GPI: variants seen among roughly 807,000 people sequenced by gnomAD.
GPI encodes the protein glucose-6-phosphate isomerase, also known as D-hexose-6-phosphate anomerase.
A neutral mutation model predicts 75.8 loss-of-function variants in GPI; 56 were observed. The ratio of observed to expected loss-of-function variants is 0.74; its 90% CI spans 0.60 to 0.92. The LOEUF (loss-of-function observed/expected upper bound fraction) is 0.92. Among genes scored for constraint, GPI ranks in the 40% least tolerant of loss-of-function variants. The pLI, the probability that GPI is intolerant of heterozygous loss-of-function variation, is 0.00. For synonymous variants in GPI, 288 were observed against 285.4 expected (o/e 1.01, Z -0.09); for missense variants, 638 against 741.0 (o/e 0.86, Z 1.61).
chr19:34,361,146 CAGT>C (rs2074299134), upstream of GPI, among the ~76,000 whole-genome samples: 5 of 151,742 alleles, frequency 3.3e-5, no homozygotes, highest in African/African-American at 1.2e-4. Flanking sequence ...GGCTGGAGTG[CAGT>C]GGCATGATTC....
intron 3 of GPI, 54 bp downstream of exon 3, chr19:34,366,905 T>G: frequency 7.9e-7 from 1 of 1,273,356 alleles, no homozygotes; most frequent in Non-Finnish European, 1.2e-6. Context: ...TTGGGGTTTA[T>G]CTGACTGTTA....
intron 17 of GPI, 21 bp from the exon 18 acceptor site, chr19:34,399,880 C>G (rs777867098): frequency 6.2e-7 from 1 of 1,614,048 alleles, no homozygotes; most frequent in Non-Finnish European, 8.5e-7. Flanking sequence ...CCACTCTTCC[C>G]TTCCCTTCCC....
intron 12 of GPI, among the ~76,000 whole-genome samples, chr19:34,395,130 AG>A (rs770834211): frequency 1.2e-4 from 18 of 152,290 alleles, no homozygotes; most frequent in Middle Eastern, 3.4e-3. Flanking sequence ...ACTGAAGGAG[AG>A]GCCAAGGTTC....
In GPI at chr19:34,377,561, A is replaced by G. The variant is rs1474766983; in HGVS notation, c.461A>G (p.Asn154Ser). The change falls in exon 5 of 18, where the codon AAC (asparagine) becomes AGC (serine). Residue 154 changes from asparagine (N) to serine (S), a missense_variant. Asn to Ser is a conservative substitution (Grantham distance 46). Transcript: ENST00000356487. ...YTGKTITDVI[N>S]IGIGGSDLGP... ...GGCAAGACCATCACGGACGTCATCAACATTGGCATTGGCGGCTCCGACCTG... is the reference window on the plus strand; with the variant it reads ...GGCAAGACCATCACGGACGTCATCAGCATTGGCATTGGCGGCTCCGACCTG... 2.5e-6 allele frequency: 4 copies of G among 1,613,274 alleles called. No homozygotes were observed. The African/African-American group carries it at 4.0e-5, about 16-fold the overall frequency.
At chr19:34,373,065 C>T (rs562491699) in intron 4 of GPI, among the ~76,000 whole-genome samples, 30 of 151,850 alleles carry the variant, frequency 2.0e-4, no homozygotes, top group African/African-American at 6.3e-4. Flanking sequence ...AGCCACCGTG[C>T]CCAGCCTATT....
intron 1 of GPI, chr19:34,365,882 G>C (rs1432573010): frequency 2.1e-6 from 1 of 472,186 alleles, no homozygotes. Context: ...AGACACCTGT[G>C]CACGACCGGG....
At chr19:34,364,856 T>G, upstream of GPI, 1 of 895,688 alleles carries the variant, frequency 1.1e-6, no homozygotes, top group Non-Finnish European at 1.6e-6. Flanking sequence ...ATCTATAGAG[T>G]TTTGTCGAAT....
At chr19:34,394,804 C>G (rs893878514) in intron 12 of GPI, among the ~76,000 whole-genome samples, 7 of 152,016 alleles carry the variant, frequency 4.6e-5, no homozygotes, top group African/African-American at 1.7e-4. Context: ...ACCTCCGCTT[C>G]CTGAGTTCAA....
At chr19:34,376,924 AGGCTTGTAGTCCCAG>A (rs2074546383) in intron 4 of GPI, among the ~76,000 whole-genome samples, 2 of 152,078 alleles carry the variant, frequency 1.3e-5, no homozygotes, top group African/African-American at 2.4e-5. Context: ...CTGGTGGCGC[AGGCTTGTAGTCCCAG>A]CTACTCAGGA....
In GPI at chr19:34,377,524, A is replaced by G; in HGVS notation, c.424A>G (p.Lys142Glu). 1 of 1,612,388 alleles carries G rather than the reference A, an allele frequency of 6.2e-7. No homozygotes were observed. Among genetic ancestry groups the G allele is most frequent in the Non-Finnish European group, 8.5e-7 (1 of 1,179,424 alleles). ...FCQRVRSGDW[K>E]GYTGKTITDV... ...CCAGCGTGTCCGGAGCGGTGACTGG[A>G]AGGGGTACACAGGCAAGACCATCAC... The change falls in exon 5 of 18, where the codon AAG (lysine) becomes GAG (glutamate). Residue 142 changes from lysine (K) to glutamate (E), a missense_variant. Coordinates refer to ENST00000356487, the MANE Select transcript of GPI (RefSeq NM_000175.5).
intron 9 of GPI, among the ~76,000 whole-genome samples, chr19:34,384,916 G>A (rs2074710065): frequency 6.6e-6 from 1 of 151,924 alleles, no homozygotes; most frequent in Admixed American, 6.6e-5. Flanking sequence ...GGTGGTGCAT[G>A]CCTACAGTCC....
chr19:34,361,706 C>T (rs953002130), upstream of GPI, among the ~76,000 whole-genome samples: 53 of 152,038 alleles, frequency 3.5e-4, no homozygotes, highest in African/African-American at 1.1e-3. Flanking sequence ...CCAGGCTGGG[C>T]GCGGTGTTGC....
At chr19:34,368,804 A>G in intron 4 of GPI, 102 bp downstream of exon 4, 2 of 1,364,522 alleles carry the variant, frequency 1.5e-6, no homozygotes, top group Non-Finnish European at 2.1e-6. Flanking sequence ...TGTAGGCAGG[A>G]CTCAGGTTCT....
At chr19:34,398,828 C>G (rs528777942) in intron 14 of GPI, 1 of 204,602 alleles carries the variant, frequency 4.9e-6, no homozygotes, top group South Asian at 7.8e-5. Flanking sequence ...CTGCCTCAGC[C>G]TCCTGCCTGA....
intron 4 of GPI, among the ~76,000 whole-genome samples, 159 bp from the exon 5 acceptor site, chr19:34,377,326 AAAAAAAAAAAATATATAT>A (rs2074556349): frequency 1.1e-5 from 1 of 88,504 alleles, no homozygotes; most frequent in East Asian, 3.9e-4. Context: ...AAAAAAAAAA[AAAAAAAAAAAATATATAT>A]ATATATATAT....
chr19:34,366,482 G>A (rs1408633890), intron 2 of GPI, 47 bp downstream of exon 2: 1 of 1,323,968 alleles, frequency 7.6e-7, no homozygotes, highest in Admixed American at 1.7e-5. Context: ...ACAGAGTGGT[G>A]GGTGAGCTGG....
At chr19:34,385,389 G>A (rs999741325) in intron 9 of GPI, among the ~76,000 whole-genome samples, 1 of 151,972 alleles carries the variant, frequency 6.6e-6, no homozygotes, top group African/African-American at 2.4e-5. Flanking sequence ...AAAAAGATGG[G>A]TGGGTAGAAG....
rs1191355604 is a variant in GPI, at chr19:34,396,449, G to C, written c.1192+19G>C. ...CACCAAGGTAGGCCCCTGTGGCCTG[G>C]GAAGGGTGATGTTGGGGGAGGGAAA... is the stretch of plus-strand genomic sequence containing the variant. On this transcript the variant is annotated intron_variant, in intron 13 of 17. Transcript: ENST00000356487. The C allele has an allele frequency of 1.2e-6, 2 of 1,613,992 alleles. No individual in the cohort carries two copies. The highest frequency in any genetic ancestry group is 1.7e-6 in the Non-Finnish European group (2 of 1,179,826).
At chr19:34,388,970 G>A (rs1568342189) in intron 9 of GPI, among the ~76,000 whole-genome samples, 1 of 152,052 alleles carries the variant, frequency 6.6e-6, no homozygotes, top group South Asian at 2.1e-4. Flanking sequence ...GTGTGTGCCT[G>A]TAGTCCCAGC....
Sources: gnomAD v4.1 joint callset for allele counts (sites outside exome capture counted in the v4.1 genomes callset) on GRCh38, gnomAD v4.1.1 for gene constraint, MANE v1.5 for transcripts, NCBI Gene and HGNC (gene_info 2026-07-23, HGNC 2026-07-21) for gene names.